Variants in RAB8B observed in about 807,000 individuals in gnomAD.
RAB8B encodes the protein RAB8B, member RAS oncogene family.
In RAB8B, 11 loss-of-function variants were observed where a neutral mutation model predicts 32.0. That is an observed-to-expected ratio of 0.34 (90% confidence interval 0.22 to 0.57). The LOEUF (loss-of-function observed/expected upper bound fraction) is 0.57. Ranked by LOEUF, RAB8B falls within the 20% of genes least tolerant of loss-of-function variation. The pLI is 0.86. For synonymous variants in RAB8B, 103 were observed against 89.6 expected (o/e 1.15, Z -0.85); for missense variants, 190 against 258.5 (o/e 0.73, Z 1.82).
Position 63,208,300 on chromosome 15 carries a change from C to T in RAB8B, c.124+18552C>T, listed in dbSNP as rs139006716. On this transcript the variant is annotated intron_variant, in intron 1 of 7. Transcript: ENST00000321437. ...GGCCAGTGTAAGGGTTTTAGAGGCCCTTACATGAGAAGAAATACAATTTTT... is the reference window on the plus strand; with the variant it reads ...GGCCAGTGTAAGGGTTTTAGAGGCCTTTACATGAGAAGAAATACAATTTTT... Among the ~76,000 whole-genome samples, 9 of 152,246 alleles carry T rather than the reference C, an allele frequency of 5.9e-5. No homozygotes were observed. The East Asian group carries it at 1.7e-3, about 29-fold the overall frequency.
chr15:63,253,886 T>C lies in RAB8B; in HGVS notation c.247-1621T>C, dbSNP rs78032042. Among the ~76,000 whole-genome samples, 408 of 152,274 alleles carry C rather than the reference T, an allele frequency of 2.7e-3. 3 individuals carry two copies. The highest frequency in any genetic ancestry group is 8.1e-3 in the African/African-American group (337 of 41,552). On this transcript the variant is annotated intron_variant, in intron 3 of 7. Transcript: ENST00000321437. Reference sequence around the variant, plus strand: ...GGGCTGGCTGACTGGGTTGTATTACTTTCACCAAAATGGTAATACAAGGAC... The same window carrying C: ...GGGCTGGCTGACTGGGTTGTATTACCTTCACCAAAATGGTAATACAAGGAC...
intron 1 of RAB8B, among the ~76,000 whole-genome samples, chr15:63,207,957 G>A (rs28461283): frequency 0.063 from 8,230 of 129,844 alleles, 690 homozygotes; most frequent in African/African-American, 0.18. Context: ...CTCTCTCCTG[G>A]ACTTTGCCAT....
At chr15:63,210,538 C>G (rs1297552106) in intron 1 of RAB8B, among the ~76,000 whole-genome samples, 6 of 152,208 alleles carry the variant, frequency 3.9e-5, no homozygotes, top group African/African-American at 1.4e-4. Flanking sequence ...ACAAGGGAAC[C>G]TTTGGTGCTG....
chr15:63,194,145 C>T (rs901028293), intron 1 of RAB8B, among the ~76,000 whole-genome samples: 2 of 152,074 alleles, frequency 1.3e-5, no homozygotes, highest in African/African-American at 4.8e-5. Context: ...CATAGTTTAA[C>T]AGCAGAAAGA....
intron 7 of RAB8B, among the ~76,000 whole-genome samples, chr15:63,263,023 T>A (rs2152585974): frequency 6.6e-6 from 1 of 152,296 alleles, no homozygotes; most frequent in South Asian, 2.1e-4. Context: ...TGCCATAAAA[T>A]TATTCAGTTT....
chr15:63,244,995 G>A (rs2038060143), intron 2 of RAB8B, among the ~76,000 whole-genome samples, 179 bp downstream of exon 2: 1 of 152,232 alleles, frequency 6.6e-6, no homozygotes, highest in Non-Finnish European at 1.5e-5. Flanking sequence ...CAAGAGTTGG[G>A]AAGGTGAGAG....
At chr15:63,203,400 T>C (rs1377499385) in intron 1 of RAB8B, among the ~76,000 whole-genome samples, 1 of 152,258 alleles carries the variant, frequency 6.6e-6, no homozygotes, top group East Asian at 1.9e-4. Context: ...ATAAGAAGGA[T>C]AGAAACTCCC....
intron 2 of RAB8B, among the ~76,000 whole-genome samples, chr15:63,246,136 G>A (rs1243573635): frequency 6.6e-6 from 1 of 152,178 alleles, no homozygotes; most frequent in Admixed American, 6.5e-5. Context: ...GCCTCCCAAA[G>A]TGCTGGGATT....
At chr15:63,229,924 A>G (rs1179317033) in intron 1 of RAB8B, among the ~76,000 whole-genome samples, 3 of 152,050 alleles carry the variant, frequency 2.0e-5, no homozygotes, top group East Asian at 1.9e-4. Flanking sequence ...GTAATTGGCC[A>G]TGAAGGTTAT....
At chr15:63,189,785 A>T (rs1202144850) in intron 1 of RAB8B, 37 bp downstream of exon 1, 5 of 457,362 alleles carry the variant, frequency 1.1e-5, no homozygotes, top group Non-Finnish European at 1.1e-5. Flanking sequence ...CGGGTAGAGA[A>T]TTGGGGGGCG....
intron 1 of RAB8B, among the ~76,000 whole-genome samples, chr15:63,213,453 T>C (rs1038182343): frequency 7.9e-5 from 12 of 152,222 alleles, no homozygotes; most frequent in Non-Finnish European, 1.5e-4. Flanking sequence ...TGTTCAAGTC[T>C]ATTTAGTTAC....
intron 3 of RAB8B, among the ~76,000 whole-genome samples, chr15:63,251,958 C>T (rs1381497804): frequency 2.6e-5 from 4 of 151,922 alleles, no homozygotes; most frequent in Admixed American, 2.0e-4. Context: ...AGTCTGTCAC[C>T]ATGGCATTTC....
At chr15:63,250,055 G>A (rs1028816639) in intron 3 of RAB8B, among the ~76,000 whole-genome samples, 1 of 152,184 alleles carries the variant, frequency 6.6e-6, no homozygotes, top group Non-Finnish European at 1.5e-5. Flanking sequence ...AGAATGGCGT[G>A]AACCCAGGAA....
At chr15:63,218,775 T>C (rs2037814887) in intron 1 of RAB8B, among the ~76,000 whole-genome samples, 1 of 152,182 alleles carries the variant, frequency 6.6e-6, no homozygotes, top group African/African-American at 2.4e-5. Context: ...TTGGGCATGT[T>C]GCTCAAGCAG....
At chr15:63,233,261 A>T (rs2037951191) in intron 1 of RAB8B, among the ~76,000 whole-genome samples, 1 of 150,848 alleles carries the variant, frequency 6.6e-6, no homozygotes, top group Admixed American at 6.6e-5. Flanking sequence ...GTGGGGTCTC[A>T]TCATGTTGCC....
chr15:63,239,410 G>GTTTTT (rs71131153), intron 1 of RAB8B, among the ~76,000 whole-genome samples: 4 of 120,886 alleles, frequency 3.3e-5, no homozygotes, highest in Non-Finnish European at 5.1e-5. Context: ...AATTTCCGAA[G>GTTTTT]TTTTTTTTTT....
chr15:63,220,571 C>G (rs927455237), intron 1 of RAB8B, among the ~76,000 whole-genome samples: 1 of 152,006 alleles, frequency 6.6e-6, no homozygotes, highest in South Asian at 2.1e-4. Flanking sequence ...TTTTTTGAAA[C>G]TTTCAGTGGT....
At chr15:63,189,838 C>G (rs558491497) in intron 1 of RAB8B, 90 bp downstream of exon 1, 18 of 1,294,810 alleles carry the variant, frequency 1.4e-5, no homozygotes, top group African/African-American at 1.6e-5. Flanking sequence ...CTTGGGAGCC[C>G]GGGAGAGGAG....
At chr15:63,242,462 C>A (rs977951493) in intron 1 of RAB8B, among the ~76,000 whole-genome samples, 1 of 151,950 alleles carries the variant, frequency 6.6e-6, no homozygotes, top group East Asian at 1.9e-4. Flanking sequence ...ATCACGAGGT[C>A]GGTCAGGAGA....
Sources: gnomAD v4.1 joint callset for allele counts (sites outside exome capture counted in the v4.1 genomes callset) on GRCh38, gnomAD v4.1.1 for gene constraint, MANE v1.5 for transcripts, NCBI Gene and HGNC (gene_info 2026-07-23, HGNC 2026-07-21) for gene names.